BAHCC1: variants seen among roughly 807,000 people sequenced by gnomAD.
BAHCC1 encodes the protein BAH and coiled-coil domain-containing protein 1.
BAHCC1 carries 43 observed loss-of-function variants against 88.2 expected under a neutral mutation model. The ratio of observed to expected loss-of-function variants is 0.49; its 90% CI spans 0.38 to 0.63. The LOEUF is 0.63. Among genes scored for constraint, BAHCC1 ranks in the 20% least tolerant of loss-of-function variants. The pLI is 0.00. For missense variants in BAHCC1, 3,023 were observed against 1,654.8 expected (o/e 1.83, Z -14.34); for synonymous variants, 1,510 against 745.5 (o/e 2.03, Z -16.71).
chr17:81,404,776 C>G (rs1393090967), intron 2 of BAHCC1, among the ~76,000 whole-genome samples: 2 of 152,202 alleles, frequency 1.3e-5, no homozygotes, highest in African/African-American at 2.4e-5. Context: ...GCTGCAGTCT[C>G]TCCTGGAGGC....
rs782463015 is a variant in BAHCC1, at chr17:81,399,243, C to G, written c.-206-291C>G. On this transcript the variant is annotated intron_variant, in intron 1 of 27. Coordinates refer to ENST00000675386, the MANE Select transcript of BAHCC1 (RefSeq NM_001377448.1). The surrounding 1 kb of genome is among the most constrained non-coding windows in gnomAD (Gnocchi z 4.5). ...GCCGCGGCGCCCTAGCTGCAGGGAC[C>G]CGCGGGGACGAGAACGGGAGGCGGC... 1 of 409,260 alleles carries G rather than the reference C, an allele frequency of 2.4e-6. No homozygotes were observed. The highest frequency in any genetic ancestry group is 2.2e-5 in the African/African-American group (1 of 45,906). 25.4% of individuals were successfully genotyped at this position (409,260 alleles called of 1,614,324 possible).
In BAHCC1 at chr17:81,435,322, T is replaced by C. The variant is rs1040047094; in HGVS notation, c.359-3048T>C. 4 of 405,384 alleles carry C rather than the reference T, an allele frequency of 9.9e-6. No individual in the cohort carries two copies. The highest frequency in any genetic ancestry group is 8.2e-5 in the African/African-American group (4 of 48,562). The allele number at this position is 405,384 out of a possible 1,614,324, so 25.1% of individuals were successfully genotyped here. A position where few individuals can be genotyped will look rare whatever the true frequency, so the allele number is the denominator to read the frequency against. On this transcript the variant is annotated intron_variant, in intron 3 of 27. Transcript: ENST00000675386. This position sits in a 1 kb window ranked among gnomAD's most constrained non-coding sequence, Gnocchi z 4.4. ...GGCTTTGAGCCTCTGTCTCCTGCAG[T>C]CTGTCCCATCACAGGACTGAGTTTG...
rs980566855 is a variant in BAHCC1 at position 81,430,934 on chromosome 17, C to T, written c.358+3955C>T. ...GCCCATGTGCGAGGGAGAGTTGGGC[C>T]AGTGGGGACAAGCTGGCTCCGCTGG... On this transcript the variant is annotated intron_variant, in intron 3 of 27. Coordinates refer to ENST00000675386, the MANE Select transcript of BAHCC1 (RefSeq NM_001377448.1). Among the ~76,000 whole-genome samples the T allele has an allele frequency of 1.4e-4, 21 of 151,614 alleles. No homozygotes were observed. In the East Asian group the frequency reaches 3.3e-3, roughly 24 times the overall value.
Position 81,458,827 on chromosome 17 carries a change from C to T in BAHCC1, c.5463C>T (p.Ala1821=), listed in dbSNP as rs1187063185. 1.7e-5 allele frequency: 13 copies of T among 765,518 alleles called. No homozygotes were observed. Among genetic ancestry groups the T allele is most frequent in the African/African-American group, 5.1e-5 (3 of 58,904 alleles). 47.4% of individuals were successfully genotyped at this position (765,518 alleles called of 1,614,324 possible). Residue 1821 remains alanine (A), a synonymous_variant, in exon 20 of 28, where the codon GCC becomes GCT. Transcript: ENST00000675386. The part of the protein sequence containing the change: ...HKAGKQGKGR[A]VSRLLESFAV... Reference sequence around the variant, plus strand: ...CTGGCCCCCAGGGCAAGGGCCGGGCCGTGAGCCGCCTGCTGGAAAGCTTCG... The same window carrying T: ...CTGGCCCCCAGGGCAAGGGCCGGGCTGTGAGCCGCCTGCTGGAAAGCTTCG...
At chr17:81,398,802 G>A (rs1042537430) in intron 1 of BAHCC1, among the ~76,000 whole-genome samples, 12 of 152,108 alleles carry the variant, frequency 7.9e-5, no homozygotes, top group Non-Finnish European at 1.6e-4. Context: ...GAGCCGGCCT[G>A]GGGTCCTAGC....
intron 2 of BAHCC1, among the ~76,000 whole-genome samples, chr17:81,417,525 C>G (rs1342777852): frequency 3.3e-5 from 5 of 149,254 alleles, no homozygotes; most frequent in Non-Finnish European, 4.4e-5. Flanking sequence ...GGAGGGAGAC[C>G]GAGGAGGGAC....
chr17:81,430,818 C>G (rs2064251703), intron 3 of BAHCC1, among the ~76,000 whole-genome samples: 1 of 152,148 alleles, frequency 6.6e-6, no homozygotes, highest in African/African-American at 2.4e-5. Context: ...TGGTCTGTCT[C>G]CCACAGGCCC....
chr17:81,401,621 T>C (rs1338037527), intron 2 of BAHCC1: 1 of 152,338 alleles, frequency 6.6e-6, no homozygotes, highest in African/African-American at 2.4e-5. Flanking sequence ...CAGCCCCTCT[T>C]CTGGCTGAAG....
intron 2 of BAHCC1, among the ~76,000 whole-genome samples, chr17:81,409,072 C>T (rs182336237): frequency 6.6e-6 from 1 of 152,348 alleles, no homozygotes; most frequent in East Asian, 1.9e-4. Context: ...TAGGAGGTGG[C>T]AGTGGTGAGA....
chr17:81,428,365 G>C (rs1384789517), intron 3 of BAHCC1, among the ~76,000 whole-genome samples: 3 of 152,322 alleles, frequency 2.0e-5, no homozygotes, highest in East Asian at 3.9e-4. Context: ...CTGGCACCGG[G>C]GGAGCAGGAA....
rs563790345 is a variant in BAHCC1 at position 81,409,730 on chromosome 17, A to G, written c.178+9813A>G. On this transcript the variant is annotated intron_variant, in intron 2 of 27. Transcript: ENST00000675386. ...GGCCCAGGGAGAAGGCCGGGTGTGA[A>G]TCAGCTGCCTCACCCTCTGCGACGT... Among the ~76,000 whole-genome samples, 33 of 152,244 alleles carry G rather than the reference A, an allele frequency of 2.2e-4. 1 individual carries two copies. In the South Asian group the frequency reaches 4.1e-3, roughly 19 times the overall value.
At position 81,447,789 on chromosome 17, in the gene BAHCC1, T is replaced by C. The variant is rs2064561893; in HGVS notation, c.3917T>C (p.Leu1306Pro). ...AGCTCAGGGATTCATGGGATCGCTC[T>C]GCTCAGCGAGCTGGCTGACCTGGCA... is the stretch of plus-strand genomic sequence containing the variant. ...PHSSGIHGIA[L>P]LSELADLAIQ... The change falls in exon 11 of 28, where the codon CTG becomes CCG. Residue 1306 changes from leucine to proline, a missense_variant. Physicochemically the swap from Leu to Pro is moderately conservative, Grantham distance 98. Transcript: ENST00000675386. 1 of 752,546 alleles carries C rather than the reference T, an allele frequency of 1.3e-6. No individual in the cohort carries two copies. 46.6% of individuals were successfully genotyped at this position (752,546 alleles called of 1,614,324 possible).
At chr17:81,412,403 A>G (rs2063965606) in intron 2 of BAHCC1, among the ~76,000 whole-genome samples, 1 of 152,266 alleles carries the variant, frequency 6.6e-6, no homozygotes, top group Non-Finnish European at 1.5e-5. Context: ...AAAATCAAAG[A>G]AAATTCAAAA....
At chr17:81,463,091 G>A (rs1430961383) in intron 27 of BAHCC1, 115 bp downstream of exon 27, 69 of 637,870 alleles carry the variant, frequency 1.1e-4, no homozygotes, top group East Asian at 1.0e-3. Context: ...CACAGCCCCC[G>A]CTCAGCAGGT....
intron 11 of BAHCC1, among the ~76,000 whole-genome samples, chr17:81,449,989 C>G (rs974508757): frequency 2.0e-5 from 3 of 152,096 alleles, no homozygotes; most frequent in Non-Finnish European, 4.4e-5. Context: ...AGCTGTCAGG[C>G]GCTGATTTGT....
chr17:81,395,828 A>G (rs1321803719), intron 1 of BAHCC1, 193 bp downstream of exon 1: 1 of 151,446 alleles, frequency 6.6e-6, no homozygotes, highest in Admixed American at 6.6e-5. Context: ...CTTAAAAAAT[A>G]TGGACTATGA....
Position 81,443,036 on chromosome 17 carries a change from G to A in BAHCC1, c.1687G>A (p.Glu563Lys). Residue 563 changes from glutamate (E) to lysine (K), a missense_variant, in exon 5 of 28, where the codon GAG (glutamate) becomes AAG (lysine). Transcript: ENST00000675386. ...GGTGGAGCAGGGGGGCATTGGGGCT[G>A]AGGCCAAGCGCAAGTCCCTGGAGCT... Reference protein sequence around the residue: ...AEVEQGGIGAEAKRKSLELAS... With the variant: ...AEVEQGGIGAKAKRKSLELAS... The A allele has an allele frequency of 1.3e-6, 1 of 778,246 alleles. No homozygotes were observed. Among genetic ancestry groups the A allele is most frequent in the East Asian group, 2.4e-5 (1 of 41,234 alleles). 48.2% of individuals were successfully genotyped at this position (778,246 alleles called of 1,614,324 possible). A position where few individuals can be genotyped will look rare whatever the true frequency, so the allele number is the denominator to read the frequency against.
chr17:81,424,123 C>T (rs1398522196), intron 2 of BAHCC1, among the ~76,000 whole-genome samples: 2 of 152,244 alleles, frequency 1.3e-5, no homozygotes, highest in Non-Finnish European at 2.9e-5. Context: ...CAGTCTTCCC[C>T]CTGGCTCAGT....
rs541505111 is a variant in BAHCC1, at chr17:81,398,164, A to G, written c.-206-1370A>G. Among the ~76,000 whole-genome samples the G allele has an allele frequency of 1.1e-3, 166 of 152,354 alleles. 2 individuals carry two copies. Among genetic ancestry groups the G allele is most frequent in the Admixed American group, 2.6e-3 (40 of 15,304 alleles). Reference sequence around the variant, plus strand: ...CTCCCTTTTGTTGGAGGTGATAAACATTAAAACAATACGTATTTAGAAGAT... The same window carrying G: ...CTCCCTTTTGTTGGAGGTGATAAACGTTAAAACAATACGTATTTAGAAGAT... On this transcript the variant is annotated intron_variant, in intron 1 of 27. Transcript: ENST00000675386.
Sources: allele counts gnomAD v4.1 joint callset (sites outside exome capture counted in the v4.1 genomes callset), GRCh38; gene constraint gnomAD v4.1.1; non-coding constraint Gnocchi (gnomAD v3.1); transcripts MANE v1.5; gene names NCBI Gene and HGNC (gene_info 2026-07-23, HGNC 2026-07-21).